Variants in CAST observed in about 807,000 individuals in gnomAD.
CAST encodes the protein MIR583 host.
CAST carries 76 observed loss-of-function variants against 119.6 expected under a neutral mutation model. The observed-to-expected ratio is 0.64, with a 90% CI of 0.53 to 0.77. The LOEUF (loss-of-function observed/expected upper bound fraction) is 0.77, where lower values mean the gene tolerates loss of function less well. Among genes scored for constraint, CAST ranks in the 30% least tolerant of loss-of-function variants. The pLI is 0.00. For synonymous variants in CAST, 319 were observed against 331.6 expected, an observed-to-expected ratio of 0.96 and a Z score of 0.41; for missense variants, 953 against 946.5, an observed-to-expected ratio of 1.01 and a Z score of -0.09.
At chr5:96,687,834 G>A (rs1231526504) in intron 2 of CAST, among the ~76,000 whole-genome samples, 1 of 152,092 alleles carries the variant, frequency 6.6e-6, no homozygotes, top group African/African-American at 2.4e-5. Context: ...ATATAATTTT[G>A]TCACTTTTTT....
intron 1 of CAST, among the ~76,000 whole-genome samples, chr5:96,652,907 A>G (rs1748111568): frequency 6.6e-6 from 1 of 152,118 alleles, no homozygotes; most frequent in Non-Finnish European, 1.5e-5. Flanking sequence ...CAGGTTTGGG[A>G]GAGGTAGCTA....
the CAST span, among the ~76,000 whole-genome samples, chr5:96,070,608 G>A: frequency 5.9e-5 from 9 of 152,306 alleles, no homozygotes; most frequent in African/African-American, 1.9e-4. Flanking sequence ...ACCAAGGCAA[G>A]GAAAATGGGA....
At chr5:96,398,681 C>T in the CAST span, among the ~76,000 whole-genome samples, 4 of 152,128 alleles carry the variant, frequency 2.6e-5, no homozygotes, top group South Asian at 2.1e-4. Flanking sequence ...TCATTCTCTG[C>T]TTATCAAAGG....
intron 1 of CAST, among the ~76,000 whole-genome samples, chr5:96,561,796 G>GTTTTTGTTT (rs1746370693): frequency 4.1e-5 from 4 of 97,402 alleles, no homozygotes; most frequent in African/African-American, 1.5e-4. Flanking sequence ...GTTTTTTTTT[G>GTTTTTGTTT]TTTTTTTTTT....
At chr5:96,602,200 TA>T (rs1747167309) in intron 1 of CAST, among the ~76,000 whole-genome samples, 1 of 152,198 alleles carries the variant, frequency 6.6e-6, no homozygotes, top group Non-Finnish European at 1.5e-5. Flanking sequence ...GCTGAAACAG[TA>T]ATATGACATG....
the CAST span, among the ~76,000 whole-genome samples, chr5:96,512,328 T>C: frequency 6.6e-6 from 1 of 152,228 alleles, no homozygotes; most frequent in African/African-American, 2.4e-5. Context: ...TGTGATTCTG[T>C]AGGTCTAGGC....
chr5:96,385,070 C>T, the CAST span, among the ~76,000 whole-genome samples: 1 of 152,072 alleles, frequency 6.6e-6, no homozygotes, highest in Non-Finnish European at 1.5e-5. Flanking sequence ...TAGAATGGCC[C>T]AACATACTAG....
At chr5:95,984,520 G>A in the CAST span, among the ~76,000 whole-genome samples, 1 of 152,084 alleles carries the variant, frequency 6.6e-6, no homozygotes, top group African/African-American at 2.4e-5. Flanking sequence ...ATCTACTACA[G>A]GGAAATAGCA....
At chr5:96,406,961 T>G in the CAST span, among the ~76,000 whole-genome samples, 5 of 152,178 alleles carry the variant, frequency 3.3e-5, no homozygotes, top group African/African-American at 7.2e-5. Flanking sequence ...TTTTCCTCTG[T>G]GTTAAGTATT....
the CAST span, among the ~76,000 whole-genome samples, chr5:96,226,257 A>C: frequency 1.3e-5 from 2 of 152,304 alleles, no homozygotes; most frequent in South Asian, 4.1e-4. Flanking sequence ...CAATTGGTCC[A>C]AAGCCAGGGG....
the CAST span, among the ~76,000 whole-genome samples, chr5:96,223,072 C>T: frequency 1.3e-5 from 2 of 152,014 alleles, no homozygotes; most frequent in African/African-American, 4.8e-5. Flanking sequence ...ACAACTTAAC[C>T]TCATGGAGAT....
chr5:96,532,669 G>A (rs547527514), intron 1 of CAST, among the ~76,000 whole-genome samples: 1 of 152,254 alleles, frequency 6.6e-6, no homozygotes, highest in South Asian at 2.1e-4. Context: ...GGCCAACATG[G>A]TGAAATCCTG....
chr5:96,600,186 C>T (rs1183236523), intron 1 of CAST, among the ~76,000 whole-genome samples: 1 of 152,190 alleles, frequency 6.6e-6, no homozygotes, highest in South Asian at 2.1e-4. Context: ...TCGTTCTTGC[C>T]AATCAAGACC....
the CAST span, chr5:96,397,256 A>G: frequency 8.1e-7 from 1 of 1,238,618 alleles, no homozygotes; most frequent in Non-Finnish European, 1.2e-6. Flanking sequence ...GGCCCTAATT[A>G]ATGATGAAAT....
At chr5:96,450,047 C>T in the CAST span, among the ~76,000 whole-genome samples, 5 of 152,192 alleles carry the variant, frequency 3.3e-5, no homozygotes, top group Non-Finnish European at 7.3e-5. Flanking sequence ...TTTGATCCAG[C>T]AATCCACTAC....
At chr5:96,393,083 A>C in the CAST span, 1 of 1,614,178 alleles carries the variant, frequency 6.2e-7, no homozygotes, top group Non-Finnish European at 8.5e-7. Flanking sequence ...GTTATAAAAA[A>C]CATCAACATA....
At chr5:96,662,015 G>A, upstream of CAST, 1 of 176,530 alleles carries the variant, frequency 5.7e-6, no homozygotes, top group Non-Finnish European at 1.2e-5. Flanking sequence ...GAGGAGGGTC[G>A]AAGCGTAGAC....
chr5:96,561,796 G>GTTTTTTTGTTTTTTTTTTTTT (rs1267067922), intron 1 of CAST, among the ~76,000 whole-genome samples: 5 of 97,422 alleles, frequency 5.1e-5, no homozygotes, highest in Admixed American at 1.4e-4. Context: ...GTTTTTTTTT[G>GTTTTTTTGTTTTTTTTTTTTT]TTTTTTTTTT....
chr5:96,649,620 G>C (rs2150204748), intron 1 of CAST, among the ~76,000 whole-genome samples: 1 of 152,200 alleles, frequency 6.6e-6, no homozygotes, highest in East Asian at 1.9e-4. Context: ...TAAGTCTGTT[G>C]AAAGAGTCAT....
Sources: gnomAD v4.1 joint callset for allele counts (sites outside exome capture counted in the v4.1 genomes callset) on GRCh38, gnomAD v4.1.1 for gene constraint, MANE v1.5 for transcripts, NCBI Gene and HGNC (gene_info 2026-07-23, HGNC 2026-07-21) for gene names.